The following NLGN4X variants were observed in gnomAD, a reference collection of about 807,000 sequenced individuals.
NLGN4X encodes neuroligin 4 X-linked.
In NLGN4X, 3 loss-of-function variants were observed where a neutral mutation model predicts 40.3. The ratio of observed to expected loss-of-function variants is 0.07; its 90% CI spans 0.03 to 0.19. The LOEUF is 0.19. Ranked by LOEUF, NLGN4X falls within the 10% of genes least tolerant of loss-of-function variation. NLGN4X has a pLI of 1.00. For missense variants in NLGN4X, 382 were observed against 708.3 expected, an observed-to-expected ratio of 0.54 and a Z score of 5.23; for synonymous variants, 270 against 306.8, an observed-to-expected ratio of 0.88 and a Z score of 1.25.
intron 1 of NLGN4X, among the ~76,000 whole-genome samples, chrX:6,180,933 C>A (rs1415725715): frequency 3.6e-5 from 4 of 111,389 alleles, no homozygotes; most frequent in Non-Finnish European, 5.6e-5. Context: ...CACTGCCCTG[C>A]CCTGCTTTTT....
intron 1 of NLGN4X, among the ~76,000 whole-genome samples, chrX:6,187,323 A>G (rs1385449976): frequency 7.0e-5 from 1 of 14,210 alleles, no homozygotes; most frequent in African/African-American, 1.0e-3. Context: ...CTAAAAATAC[A>G]AAAAAAAAAA....
intron 2 of NLGN4X, among the ~76,000 whole-genome samples, chrX:6,098,606 G>A (rs1406979608): frequency 9.0e-6 from 1 of 111,385 alleles, no homozygotes; most frequent in Non-Finnish European, 1.9e-5. Context: ...AACGGCCTGC[G>A]TACTTTTATT....
At chrX:5,920,396 G>A (rs141654392) in intron 3 of NLGN4X, among the ~76,000 whole-genome samples, 2,089 of 112,061 alleles carry the variant, frequency 0.019, 49 homozygotes, top group African/African-American at 0.062. Flanking sequence ...TTATGGTTTC[G>A]TAAAGCTCAC....
chrX:5,917,032 C>T (rs1035490060), intron 3 of NLGN4X, among the ~76,000 whole-genome samples: 1 of 112,322 alleles, frequency 8.9e-6, no homozygotes, highest in African/African-American at 3.2e-5. Context: ...CCTGCAAATC[C>T]ACCACAACAC....
At chrX:6,056,070 T>C (rs1055331949) in intron 2 of NLGN4X, among the ~76,000 whole-genome samples, 2 of 112,543 alleles carry the variant, frequency 1.8e-5, no homozygotes, top group Non-Finnish European at 3.7e-5. Flanking sequence ...CCATTCAAAA[T>C]GAAGAGTCTT....
intron 2 of NLGN4X, among the ~76,000 whole-genome samples, chrX:6,090,755 G>A (rs1410712244): frequency 9.2e-6 from 1 of 108,176 alleles, no homozygotes; most frequent in Non-Finnish European, 1.9e-5. Context: ...CGCCTCAGAG[G>A]CAATATTTGA....
chrX:6,035,497 A>C (rs1414988622), intron 2 of NLGN4X, among the ~76,000 whole-genome samples: 1 of 112,015 alleles, frequency 8.9e-6, no homozygotes, highest in African/African-American at 3.2e-5. Context: ...ATAAGAGGTA[A>C]GAGTTGAAAT....
chrX:5,903,037 T>C (rs766229766), intron 5 of NLGN4X, 40 bp downstream of exon 5: 1 of 1,204,322 alleles, frequency 8.3e-7, no homozygotes, highest in Non-Finnish European at 1.1e-6. Context: ...CACAAACAAG[T>C]GGCAAGGATA....
intron 3 of NLGN4X, among the ~76,000 whole-genome samples, chrX:5,942,784 G>A (rs889428405): frequency 9.0e-6 from 1 of 110,973 alleles, no homozygotes; most frequent in Non-Finnish European, 1.9e-5. Context: ...GAGCCCACTG[G>A]TTGAGTAAAG....
At position 6,078,424 on chromosome X, in the gene NLGN4X, G is replaced by A. The variant is rs374870163; in HGVS notation, c.473-48992C>T. 8.1e-5 allele frequency among the ~76,000 whole-genome samples: 9 copies of A among 111,303 alleles called. No homozygotes were observed. In the East Asian group the frequency reaches 8.5e-4, roughly 11 times the overall value. On this transcript the variant is annotated intron_variant, in intron 2 of 5. Coordinates refer to ENST00000381095, the MANE Select transcript of NLGN4X (RefSeq NM_181332.3). ...TGCTACTGCTATGGGTAGTGGGGGG[G>A]TCTTCTAGACACCTGGCCTTCTTCC... is the stretch of plus-strand genomic sequence containing the variant.
At chrX:5,956,928 T>C (rs746259487) in intron 3 of NLGN4X, among the ~76,000 whole-genome samples, 2 of 111,493 alleles carry the variant, frequency 1.8e-5, no homozygotes, top group African/African-American at 3.3e-5. Context: ...TTTATTGGTG[T>C]TGTGTGTTAA....
intron 3 of NLGN4X, among the ~76,000 whole-genome samples, chrX:5,936,029 C>T (rs1388839951): frequency 8.9e-6 from 1 of 111,921 alleles, no homozygotes; most frequent in Non-Finnish European, 1.9e-5. Flanking sequence ...TGAGGGGAAT[C>T]CCAAAATCTT....
chrX:6,184,851 C>T (rs1010695648), intron 1 of NLGN4X, among the ~76,000 whole-genome samples: 1 of 112,505 alleles, frequency 8.9e-6, no homozygotes, highest in Admixed American at 9.4e-5. Context: ...GACCAATACA[C>T]GGGAGAGCGT....
Position 6,225,011 on chromosome X carries a change from T to TATATATATAC in NLGN4X, c.-306+3529_-306+3530insGTATATATAT, listed in dbSNP as rs1461463258. 3.2e-3 allele frequency among the ~76,000 whole-genome samples: 156 copies of TATATATATAC among 49,501 alleles called. 1 individual carries two copies. Among genetic ancestry groups the TATATATATAC allele is most frequent in the African/African-American group, 9.6e-3 (129 of 13,470 alleles). 43.0% of individuals were successfully genotyped at this position (49,501 alleles called of 115,157 possible). On this transcript the variant is annotated intron_variant, in intron 1 of 5. Transcript: ENST00000381095. ...ATATATATATATATATATATATATA[T>TATATATATAC]ACACACACACACACATATATGTAGA...
At position 5,925,879 on chromosome X, in the gene NLGN4X, C is replaced by CATATATATATAT. The variant is rs2033268045; in HGVS notation, c.626-16641_626-16640insATATATATATAT. On this transcript the variant is annotated intron_variant, in intron 3 of 5. Transcript: ENST00000381095. Reference sequence around the variant, plus strand: ...ATATATATATATATATATACATACACACATATATATATATATATATATATA... The same window carrying CATATATATATAT: ...ATATATATATATATATATACATACACATATATATATATACATATATATATATATATATATATA... Among the ~76,000 whole-genome samples the CATATATATATAT allele has an allele frequency of 1.1e-4, 5 of 46,816 alleles. No homozygotes were observed. The Admixed American group carries it at 1.1e-3, about 11-fold the overall frequency. 40.7% of individuals were successfully genotyped at this position (46,816 alleles called of 115,157 possible). A position where few individuals can be genotyped will look rare whatever the true frequency, so the allele number is the denominator to read the frequency against.
intron 1 of NLGN4X, among the ~76,000 whole-genome samples, chrX:6,210,250 G>C (rs1415963440): frequency 1.1e-5 from 1 of 89,993 alleles, no homozygotes; most frequent in Non-Finnish European, 2.0e-5. Context: ...GTTTGTGTGT[G>C]TGTGTGTGTG....
At chrX:5,956,855 T>C (rs1206149418) in intron 3 of NLGN4X, among the ~76,000 whole-genome samples, 3 of 112,019 alleles carry the variant, frequency 2.7e-5, no homozygotes, top group Admixed American at 9.5e-5. Flanking sequence ...TGAGAGACAA[T>C]AGAATAGAAA....
intron 1 of NLGN4X, among the ~76,000 whole-genome samples, chrX:6,198,233 T>C (rs934315484): frequency 2.7e-5 from 3 of 111,719 alleles, no homozygotes; most frequent in Non-Finnish European, 5.6e-5. Context: ...AGCCTCTCCA[T>C]GTAAGTTCAT....
At chrX:6,024,587 AC>A (rs1461756116) in intron 3 of NLGN4X, among the ~76,000 whole-genome samples, 4 of 110,862 alleles carry the variant, frequency 3.6e-5, no homozygotes, top group African/African-American at 1.3e-4. Context: ...GTAAAAAAAA[AC>A]AGCCGAAACC....
Sources: gnomAD v4.1 joint callset for allele counts (sites outside exome capture counted in the v4.1 genomes callset) on GRCh38, gnomAD v4.1.1 for gene constraint, MANE v1.5 for transcripts, NCBI Gene and HGNC (gene_info 2026-07-23, HGNC 2026-07-21) for gene names.